The following SGCG variants were observed in gnomAD, a reference collection of about 807,000 sequenced individuals.
The protein encoded by SGCG is gamma-sarcoglycan.
Under a neutral mutation model 29.3 loss-of-function variants are expected in SGCG, and 26 were observed. That is an observed-to-expected ratio of 0.89 (90% confidence interval 0.65 to 1.23). SGCG has a LOEUF of 1.23. Ranked by LOEUF, SGCG falls within the 50% of genes most tolerant of loss-of-function variation. SGCG has a pLI of 0.00. For missense variants in SGCG, 353 were observed against 356.0 expected, an observed-to-expected ratio of 0.99 and a Z score of 0.07; for synonymous variants, 145 against 129.7, an observed-to-expected ratio of 1.12 and a Z score of -0.80.
At chr13:23,279,667 G>A (rs555940973) in intron 5 of SGCG, among the ~76,000 whole-genome samples, 189 bp downstream of exon 5, 1 of 142,644 alleles carries the variant, frequency 7.0e-6, no homozygotes, top group Non-Finnish European at 1.6e-5. Context: ...CCTCCCCACA[G>A]ATCTTGGCCC....
chr13:23,164,124 G>A, the SGCG span, among the ~76,000 whole-genome samples: 2 of 152,182 alleles, frequency 1.3e-5, 1 homozygote, highest in African/African-American at 4.8e-5. Flanking sequence ...CTTTAAGATT[G>A]TTGACTCAGT....
the SGCG span, among the ~76,000 whole-genome samples, chr13:23,169,485 T>C: frequency 5.9e-5 from 9 of 151,634 alleles, no homozygotes; most frequent in East Asian, 1.4e-3. Flanking sequence ...TCGAGACCAT[T>C]CTGGCCAACA....
At chr13:23,258,338 G>A (rs530320225) in intron 4 of SGCG, among the ~76,000 whole-genome samples, 2 of 152,144 alleles carry the variant, frequency 1.3e-5, no homozygotes, top group South Asian at 4.2e-4. Flanking sequence ...TCATGATTTG[G>A]CTCTCTGTTT....
chr13:23,200,748 G>A (rs1877711522), intron 1 of SGCG, among the ~76,000 whole-genome samples: 1 of 152,166 alleles, frequency 6.6e-6, no homozygotes, highest in African/African-American at 2.4e-5. Flanking sequence ...TGATCAGGAA[G>A]ATCGTTGATA....
At chr13:23,241,164 G>A (rs7319199) in intron 3 of SGCG, among the ~76,000 whole-genome samples, 78,877 of 127,690 alleles carry the variant, frequency 0.62, 23,425 homozygotes, top group East Asian at 0.79. Context: ...AAAAAAAAAA[G>A]AAGAAGAAGA....
the SGCG span, among the ~76,000 whole-genome samples, chr13:23,163,156 C>T: frequency 2.6e-5 from 4 of 152,084 alleles, no homozygotes; most frequent in African/African-American, 7.2e-5. Context: ...ACAATGTTTT[C>T]TATACAGGGA....
intron 4 of SGCG, among the ~76,000 whole-genome samples, chr13:23,265,952 A>T (rs896386908): frequency 1.3e-5 from 2 of 152,210 alleles, no homozygotes; most frequent in African/African-American, 2.4e-5. Flanking sequence ...TATCAAAAAG[A>T]CACCTGCACA....
chr13:23,177,156 C>A (rs187942089), upstream of SGCG, among the ~76,000 whole-genome samples: 114 of 152,192 alleles, frequency 7.5e-4, no homozygotes, highest in Non-Finnish European at 1.0e-3. Flanking sequence ...CACTCATATG[C>A]AAAACCTTAG....
Position 23,273,186 on chromosome 13 carries a change from C to CT in SGCG, c.386-6159dup, listed in dbSNP as rs10556974. On this transcript the variant is annotated intron_variant, in intron 4 of 7. Transcript: ENST00000218867. ...AGGCTTTTGAATTACGAACTTAGTT[C>CT]TTTTTTTTTTTTTTCTAAACAGAAT... is the stretch of plus-strand genomic sequence containing the variant. Among the ~76,000 whole-genome samples, 1,367 of 145,662 alleles carry CT rather than the reference C, an allele frequency of 9.4e-3. 22 individuals carry two copies. The highest frequency in any genetic ancestry group is 0.031 in the African/African-American group (1,232 of 39,404).
At chr13:23,203,576 C>G in intron 1 of SGCG, 119 bp from the exon 2 acceptor site, 2 of 741,952 alleles carry the variant, frequency 2.7e-6, no homozygotes, top group Non-Finnish European at 4.8e-6. Flanking sequence ...TTTTGGAAAT[C>G]TATGACTGGG....
chr13:23,296,832 A>G (rs752405018), intron 6 of SGCG, among the ~76,000 whole-genome samples: 56 of 152,168 alleles, frequency 3.7e-4, no homozygotes, highest in Non-Finnish European at 7.6e-4. Flanking sequence ...TGTGTATTTT[A>G]CCTTACCACT....
At chr13:23,240,639 A>G (rs917752582) in intron 3 of SGCG, among the ~76,000 whole-genome samples, 1 of 152,220 alleles carries the variant, frequency 6.6e-6, no homozygotes, top group African/African-American at 2.4e-5. Context: ...AGTGGGTTTA[A>G]TAAGACAACT....
At chr13:23,177,381 A>G (rs1565987576), upstream of SGCG, among the ~76,000 whole-genome samples, 2 of 152,172 alleles carry the variant, frequency 1.3e-5, no homozygotes, top group East Asian at 3.9e-4. Flanking sequence ...CACCTTAAAG[A>G]AATTATAAAT....
chr13:23,250,222 A>G (rs1227093038), intron 3 of SGCG, among the ~76,000 whole-genome samples: 3 of 152,224 alleles, frequency 2.0e-5, no homozygotes, highest in African/African-American at 7.2e-5. Flanking sequence ...TTATAAAAAC[A>G]CAAATGTATT....
At chr13:23,307,055 T>G (rs192317451) in intron 6 of SGCG, among the ~76,000 whole-genome samples, 2 of 152,364 alleles carry the variant, frequency 1.3e-5, no homozygotes, top group East Asian at 3.9e-4. Context: ...CAGAACTTTT[T>G]AAGATTTAGT....
chr13:23,311,787 T>C (rs921889008), intron 6 of SGCG, among the ~76,000 whole-genome samples: 1 of 152,232 alleles, frequency 6.6e-6, no homozygotes, highest in African/African-American at 2.4e-5. Flanking sequence ...TATCTTTCTA[T>C]CTAATTTCTC....
At chr13:23,196,057 A>G (rs1442882669) in intron 1 of SGCG, among the ~76,000 whole-genome samples, 5 of 152,048 alleles carry the variant, frequency 3.3e-5, no homozygotes, top group Admixed American at 3.3e-4. Context: ...ATATATTTTA[A>G]TATGTATATA....
intron 5 of SGCG, among the ~76,000 whole-genome samples, chr13:23,282,224 A>C (rs1248301460): frequency 2.0e-5 from 3 of 152,196 alleles, no homozygotes; most frequent in Non-Finnish European, 2.9e-5. Flanking sequence ...TAAAGAAACC[A>C]AGAGATTCCA....
At chr13:23,184,254 T>C (rs511406) in intron 1 of SGCG, among the ~76,000 whole-genome samples, 110,349 of 151,942 alleles carry the variant, frequency 0.73, 40,363 homozygotes, top group East Asian at 0.93. Flanking sequence ...AGAAGCACAG[T>C]ATAGTTGATA....
Sources: gnomAD v4.1 joint callset for allele counts (sites outside exome capture counted in the v4.1 genomes callset) on GRCh38, gnomAD v4.1.1 for gene constraint, MANE v1.5 for transcripts, NCBI Gene and HGNC (gene_info 2026-07-23, HGNC 2026-07-21) for gene names.